ABI1: variants seen among roughly 807,000 people sequenced by gnomAD.
The protein encoded by ABI1 is abl interactor 1, also known as Abelson interactor 1.
A neutral mutation model predicts 54.6 loss-of-function variants in ABI1; 14 were observed. That is an observed-to-expected ratio of 0.26 (90% CI 0.17 to 0.40). The LOEUF is 0.40. Ranked by LOEUF, ABI1 falls within the 10% of genes least tolerant of loss-of-function variation. The pLI is 1.00. For synonymous variants in ABI1, 194 were observed against 209.3 expected (o/e 0.93, Z 0.63); for missense variants, 443 against 598.3 (o/e 0.74, Z 2.71).
intron 2 of ABI1, among the ~76,000 whole-genome samples, chr10:26,822,002 T>A (rs554384581): frequency 4.7e-4 from 72 of 152,196 alleles, no homozygotes; most frequent in Non-Finnish European, 7.8e-4. Context: ...CAGGTCCAGA[T>A]GGAATACTGC....
At chr10:26,776,928 A>C in intron 3 of ABI1, 137 bp downstream of exon 3, 1 of 775,508 alleles carries the variant, frequency 1.3e-6, no homozygotes, top group Non-Finnish European at 1.9e-6. Context: ...AGTAAAATTC[A>C]TATTAAATAT....
intron 2 of ABI1, among the ~76,000 whole-genome samples, chr10:26,815,591 C>T (rs1294711051): frequency 2.6e-5 from 4 of 152,134 alleles, no homozygotes; most frequent in African/African-American, 9.7e-5. Flanking sequence ...TAGTTAACAC[C>T]AGTCCTCCAA....
intron 1 of ABI1, among the ~76,000 whole-genome samples, chr10:26,826,158 T>C (rs1344358160): frequency 6.6e-6 from 1 of 152,212 alleles, no homozygotes; most frequent in Admixed American, 6.5e-5. Flanking sequence ...AGCTATAGCC[T>C]TACAAAATGT....
At chr10:26,769,523 A>T (rs192443655) in intron 5 of ABI1, among the ~76,000 whole-genome samples, 141 of 152,218 alleles carry the variant, frequency 9.3e-4, no homozygotes, top group African/African-American at 3.0e-3. Context: ...GAAAACTAAG[A>T]CCTTCTTAAA....
chr10:26,764,214 T>C (rs1194356185), intron 7 of ABI1, among the ~76,000 whole-genome samples: 1 of 152,180 alleles, frequency 6.6e-6, no homozygotes, highest in Non-Finnish European at 1.5e-5. Flanking sequence ...TAAGAATTTC[T>C]TTCCTAACAT....
intron 7 of ABI1, 89 bp downstream of exon 7, chr10:26,765,129 T>G (rs1839763299): frequency 1.1e-6 from 1 of 887,150 alleles, no homozygotes; most frequent in Non-Finnish European, 1.7e-6. Flanking sequence ...ATTAATAATT[T>G]TACTCAATAT....
chr10:26,771,986 A>G (rs990839438), intron 3 of ABI1, among the ~76,000 whole-genome samples: 25 of 151,610 alleles, frequency 1.6e-4, no homozygotes, highest in Admixed American at 3.3e-4. Flanking sequence ...TGGGGGCTTC[A>G]AGCTTTTTTT....
At chr10:26,761,292 T>C (rs1378068245) in intron 7 of ABI1, among the ~76,000 whole-genome samples, 1 of 151,950 alleles carries the variant, frequency 6.6e-6, no homozygotes, top group African/African-American at 2.4e-5. Context: ...CCGGCTTGTA[T>C]AAAAAAGTGT....
chr10:26,777,712 T>C (rs1841592989), intron 2 of ABI1, among the ~76,000 whole-genome samples: 1 of 151,900 alleles, frequency 6.6e-6, no homozygotes, highest in Non-Finnish European at 1.5e-5. Context: ...AGGTCGAGGC[T>C]GCAGTGAGCT....
intron 1 of ABI1, among the ~76,000 whole-genome samples, chr10:26,854,013 T>G (rs2050620897): frequency 6.6e-6 from 1 of 152,186 alleles, no homozygotes; most frequent in Non-Finnish European, 1.5e-5. Flanking sequence ...TTTCACTGAA[T>G]ATAAATAAGG....
chr10:26,776,834 A>G (rs1841464849), intron 3 of ABI1: 1 of 375,378 alleles, frequency 2.7e-6, no homozygotes, highest in South Asian at 8.5e-5. Flanking sequence ...ATATTTGTCT[A>G]GGATTTATGG....
intron 7 of ABI1, among the ~76,000 whole-genome samples, chr10:26,761,211 T>A (rs567627700): frequency 6.6e-6 from 1 of 152,114 alleles, no homozygotes; most frequent in East Asian, 1.9e-4. Context: ...AATGCTGGAT[T>A]ACAGGTGTGA....
chr10:26,804,945 A>C (rs2046789506), intron 2 of ABI1, among the ~76,000 whole-genome samples: 1 of 152,210 alleles, frequency 6.6e-6, no homozygotes, highest in South Asian at 2.1e-4. Flanking sequence ...CCAAAAATCA[A>C]TGTAAAAGAA....
intron 1 of ABI1, among the ~76,000 whole-genome samples, chr10:26,854,048 A>T (rs1270178192): frequency 2.6e-5 from 4 of 152,182 alleles, no homozygotes; most frequent in African/African-American, 7.2e-5. Flanking sequence ...CACACAGCAG[A>T]TCCCCAGTTG....
intron 7 of ABI1, chr10:26,763,758 T>C: frequency 1.2e-6 from 1 of 838,866 alleles, no homozygotes; most frequent in Admixed American, 2.2e-5. Context: ...TTTAATACTT[T>C]AAACTTTGTA....
At chr10:26,753,233 G>A (rs16927317) in intron 9 of ABI1, among the ~76,000 whole-genome samples, 2,444 of 152,078 alleles carry the variant, frequency 0.016, 53 homozygotes, top group African/African-American at 0.054. Context: ...CCTATCAAAC[G>A]GGTCTACAAT....
In ABI1 at chr10:26,759,221, G is replaced by C; in HGVS notation, c.838C>G (p.Pro280Ala). ...GTCATTGTGCCATACTGGGAACCAG[G>C]AGCTGAGCCCGGGGCTGCTGAAAAG... ...TIGPAAPGSA[P>A]GSQYGTMTRQ... Residue 280 changes from proline to alanine, a missense_variant, in exon 8 of 11, where the codon CCT (proline) becomes GCT (alanine). Pro to Ala is a conservative substitution (Grantham distance 27). Coordinates refer to ENST00000376140, the MANE Select transcript of ABI1 (RefSeq NM_001012750.3). 1.2e-6 allele frequency: 2 copies of C among 1,613,964 alleles called. No homozygotes were observed. Among genetic ancestry groups the C allele is most frequent in the Non-Finnish European group, 1.7e-6 (2 of 1,179,936 alleles).
intron 1 of ABI1, chr10:26,839,584 G>T (rs1022312696): frequency 8.1e-5 from 45 of 554,524 alleles, no homozygotes; most frequent in African/African-American, 8.0e-4. Flanking sequence ...ACTAGGTAGG[G>T]TGGTAGTTAA....
intron 7 of ABI1, 93 bp from the exon 8 acceptor site, chr10:26,759,331 G>GTAAT: frequency 9.8e-7 from 1 of 1,016,106 alleles, no homozygotes. Context: ...GCCTCAGTAA[G>GTAAT]AAATATTTAT....
Sources: gnomAD v4.1 joint callset for allele counts (sites outside exome capture counted in the v4.1 genomes callset) on GRCh38, gnomAD v4.1.1 for gene constraint, MANE v1.5 for transcripts, NCBI Gene and HGNC (gene_info 2026-07-23, HGNC 2026-07-21) for gene names.